Variants in CLSTN1 observed in about 807,000 individuals in gnomAD.
CLSTN1 encodes the protein calsyntenin 1, also known as calsyntenin-1.
A neutral mutation model predicts 108.3 loss-of-function variants in CLSTN1; 28 were observed. The ratio of observed to expected loss-of-function variants is 0.26; its 90% CI spans 0.19 to 0.35. The LOEUF (loss-of-function observed/expected upper bound fraction) is 0.35, where lower values mean the gene tolerates loss of function less well. Among genes scored for constraint, CLSTN1 ranks in the 10% least tolerant of loss-of-function variants. The pLI is 1.00. For missense variants in CLSTN1, 1,157 were observed against 1,302.6 expected, an observed-to-expected ratio of 0.89 and a Z score of 1.72; for synonymous variants, 524 against 534.9, an observed-to-expected ratio of 0.98 and a Z score of 0.28.
intron 7 of CLSTN1, among the ~76,000 whole-genome samples, chr1:9,748,588 A>C (rs1319918042): frequency 6.6e-6 from 1 of 151,894 alleles, no homozygotes; most frequent in Non-Finnish European, 1.5e-5. Flanking sequence ...CCTGGGCTCA[A>C]GCGATCCTCC....
chr1:9,752,534 G>A (rs554161594), intron 4 of CLSTN1, among the ~76,000 whole-genome samples: 8 of 152,160 alleles, frequency 5.3e-5, no homozygotes, highest in South Asian at 2.1e-4. Context: ...ACACCATCTC[G>A]CCCACATACC....
chr1:9,816,927 G>A (rs1040914407), intron 1 of CLSTN1, among the ~76,000 whole-genome samples: 4 of 152,176 alleles, frequency 2.6e-5, no homozygotes, highest in Non-Finnish European at 4.4e-5. Flanking sequence ...GATTACAGAC[G>A]TGAGCCACCG....
chr1:9,770,094 A>AAAAAAT (rs1652598556), intron 2 of CLSTN1, among the ~76,000 whole-genome samples: 1 of 152,152 alleles, frequency 6.6e-6, no homozygotes, highest in African/African-American at 2.4e-5. Context: ...AAAAAGAAAG[A>AAAAAAT]AAAAATATTA....
intron 1 of CLSTN1, among the ~76,000 whole-genome samples, chr1:9,798,302 A>C (rs888106248): frequency 6.6e-6 from 1 of 152,220 alleles, no homozygotes; most frequent in Non-Finnish European, 1.5e-5. Context: ...CAGCAGCACT[A>C]TTCACAACAG....
At chr1:9,789,964 G>A (rs1378348383) in intron 1 of CLSTN1, among the ~76,000 whole-genome samples, 1 of 151,338 alleles carries the variant, frequency 6.6e-6, no homozygotes, top group Non-Finnish European at 1.5e-5. Flanking sequence ...GGGCAACAGA[G>A]CAAGACCCTA....
Position 9,731,271 on chromosome 1 carries a change from T to G in CLSTN1, c.2683A>C (p.Thr895Pro). ...CAGTCCATCTCGTTCTCCTTCCCGG[T>G]GTCCTGATCCCGCATGGTCCGCCGA... Reference protein sequence around the residue: ...AHRRTMRDQDTGKENEMDWDD... With the variant: ...AHRRTMRDQDPGKENEMDWDD... The change falls in exon 18 of 19, where the codon ACC becomes CCC. Residue 895 changes from threonine (T) to proline (P), a missense_variant. Transcript: ENST00000377298. 1.2e-6 allele frequency: 2 copies of G among 1,614,252 alleles called. No individual in the cohort carries two copies. Among genetic ancestry groups the G allele is most frequent in the Non-Finnish European group, 1.7e-6 (2 of 1,180,050 alleles).
chr1:9,786,199 A>C (rs1653478443), intron 1 of CLSTN1, among the ~76,000 whole-genome samples: 2 of 152,084 alleles, frequency 1.3e-5, no homozygotes, highest in African/African-American at 4.8e-5. Context: ...AACAAACAAA[A>C]AACACACACA....
chr1:9,767,544 CAA>C (rs764744601), intron 2 of CLSTN1, among the ~76,000 whole-genome samples: 6 of 107,864 alleles, frequency 5.6e-5, no homozygotes, highest in Admixed American at 2.0e-4. Flanking sequence ...GACTCCATCT[CAA>C]AAAAAAAAAA....
intron 3 of CLSTN1, 91 bp downstream of exon 3, chr1:9,756,390 A>G (rs1325624291): frequency 5.2e-6 from 5 of 969,396 alleles, no homozygotes; most frequent in African/African-American, 1.6e-5. Context: ...AGAGCATGAC[A>G]GTTTCTCCTG....
At chr1:9,789,815 T>TA (rs936142386) in intron 1 of CLSTN1, among the ~76,000 whole-genome samples, 1 of 150,956 alleles carries the variant, frequency 6.6e-6, no homozygotes, top group East Asian at 2.0e-4. Flanking sequence ...CCGTCTCTAG[T>TA]AAAAAATACA....
intron 1 of CLSTN1, among the ~76,000 whole-genome samples, chr1:9,797,501 C>T (rs554932411): frequency 3.3e-5 from 5 of 152,020 alleles, no homozygotes; most frequent in African/African-American, 4.8e-5. Flanking sequence ...ATTAGCCTGG[C>T]GTGGTGGTGC....
At chr1:9,772,292 T>C (rs1021610223) in intron 2 of CLSTN1, among the ~76,000 whole-genome samples, 2 of 150,896 alleles carry the variant, frequency 1.3e-5, no homozygotes, top group African/African-American at 4.9e-5. Flanking sequence ...AGAACACTCT[T>C]TAATACGAGA....
In CLSTN1 at chr1:9,734,899, G is replaced by A; in HGVS notation, c.2110+49C>T. 3 of 1,497,168 alleles carry A rather than the reference G, an allele frequency of 2.0e-6. No individual in the cohort carries two copies. The highest frequency in any genetic ancestry group is 2.8e-6 in the Non-Finnish European group (3 of 1,074,918). The allele number at this position is 1,497,168 out of a possible 1,614,324, so 92.7% of individuals were successfully genotyped here. ...GCCCCGCCAAGTACATGGGGACAAT[G>A]GGGTTTCCGGCCGAGGCGAGGGAGC... is the stretch of plus-strand genomic sequence containing the variant. On this transcript the variant is annotated intron_variant, in intron 14 of 18. Coordinates refer to ENST00000377298, the MANE Select transcript of CLSTN1 (RefSeq NM_001009566.3). The surrounding 1 kb of genome is among the most constrained non-coding windows in gnomAD (Gnocchi z 4.8).
At chr1:9,748,632 C>T (rs1651398675) in intron 7 of CLSTN1, among the ~76,000 whole-genome samples, 1 of 152,088 alleles carries the variant, frequency 6.6e-6, no homozygotes. Context: ...GGACTACAGG[C>T]GTGCACCGCC....
chr1:9,811,566 G>C (rs1654756232), intron 1 of CLSTN1, among the ~76,000 whole-genome samples: 1 of 151,980 alleles, frequency 6.6e-6, no homozygotes, highest in Admixed American at 6.6e-5. Context: ...TAGTAACTGA[G>C]GGGCTCAAAA....
At chr1:9,756,431 A>C in intron 3 of CLSTN1, 50 bp downstream of exon 3, 2 of 1,511,778 alleles carry the variant, frequency 1.3e-6, no homozygotes, top group Non-Finnish European at 1.8e-6. Context: ...TTTATAAACA[A>C]AGTTAGTGGG....
chr1:9,742,958 T>C (rs1358782874), intron 9 of CLSTN1, among the ~76,000 whole-genome samples: 1 of 152,130 alleles, frequency 6.6e-6, no homozygotes, highest in Non-Finnish European at 1.5e-5. Flanking sequence ...ACTTCAACTT[T>C]CCACTATCAT....
At chr1:9,819,573 C>G (rs1557730142) in intron 1 of CLSTN1, among the ~76,000 whole-genome samples, 1 of 152,114 alleles carries the variant, frequency 6.6e-6, no homozygotes, top group Admixed American at 6.6e-5. Context: ...CCTCCTAAAC[C>G]TTCCTTTTGA....
chr1:9,781,732 C>T (rs1225013569), intron 1 of CLSTN1, among the ~76,000 whole-genome samples: 2 of 152,094 alleles, frequency 1.3e-5, no homozygotes, highest in East Asian at 1.9e-4. Flanking sequence ...AGTGAGTCAC[C>T]GCGCCCAGCT....
Sources: gnomAD v4.1 joint callset for allele counts (sites outside exome capture counted in the v4.1 genomes callset) on GRCh38, gnomAD v4.1.1 for gene constraint, Gnocchi (gnomAD v3.1) non-coding constraint, MANE v1.5 for transcripts, NCBI Gene and HGNC (gene_info 2026-07-23, HGNC 2026-07-21) for gene names.